PDK1: variants seen among roughly 807,000 people sequenced by gnomAD.
PDK1 encodes the protein [Pyruvate dehydrogenase (acetyl-transferring)] kinase isozyme 1, mitochondrial.
A neutral mutation model predicts 54.2 loss-of-function variants in PDK1; 39 were observed. That is an observed-to-expected ratio of 0.72 (90% CI 0.56 to 0.94). The LOEUF (loss-of-function observed/expected upper bound fraction) is 0.94. Among genes scored for constraint, PDK1 ranks in the 40% least tolerant of loss-of-function variants. The probability of loss-of-function intolerance (pLI) is 0.00; values close to 1 mark genes in which losing one functional copy is unlikely to be tolerated. For missense variants in PDK1, 552 were observed against 566.0 expected, an observed-to-expected ratio of 0.98 and a Z score of 0.25; for synonymous variants, 221 against 207.1, an observed-to-expected ratio of 1.07 and a Z score of -0.58.
rs1690972390 is a variant in PDK1, at chr2:172,597,881, T to G, written c.*1912T>G. The G allele has an allele frequency of 6.6e-6, 1 of 152,234 alleles. No individual in the cohort carries two copies. The highest frequency in any genetic ancestry group is 2.4e-5 in the African/African-American group (1 of 41,464). The allele number at this position is 152,234 out of a possible 1,614,324, so 9.4% of individuals were successfully genotyped here. ...ACACTTCATCCTTGGAAGGATTATA[T>G]AAGATGAACAGTTGTGATAAATGTG... is the stretch of plus-strand genomic sequence containing the variant. On this transcript the variant is annotated 3_prime_UTR_variant, in exon 11 of 11. Transcript: ENST00000282077.
chr2:172,603,309 T>C lies in PDK1; in HGVS notation c.*7340T>C, dbSNP rs147924564. 1.3e-5 allele frequency: 2 copies of C among 152,316 alleles called. No homozygotes were observed. Among genetic ancestry groups the C allele is most frequent in the East Asian group, 3.9e-4 (2 of 5,182 alleles). The allele number at this position is 152,316 out of a possible 1,614,324, so 9.4% of individuals were successfully genotyped here. On this transcript the variant is annotated 3_prime_UTR_variant, in exon 11 of 11. Coordinates refer to ENST00000282077, the MANE Select transcript of PDK1 (RefSeq NM_002610.5). ...AGATAAGAAGGATCTATTCCTGATA[T>C]ACAGGGTACTTGGTGGATGTGTCCA...
intron 8 of PDK1, among the ~76,000 whole-genome samples, chr2:172,579,517 C>A (rs899686565): frequency 6.9e-6 from 1 of 145,624 alleles, no homozygotes; most frequent in Non-Finnish European, 1.5e-5. Context: ...CCCCCTCCCC[C>A]GCTCTTTCTT....
chr2:172,619,829 A>G, the PDK1 span, among the ~76,000 whole-genome samples: 1 of 152,224 alleles, frequency 6.6e-6, no homozygotes, highest in Non-Finnish European at 1.5e-5. Flanking sequence ...TGCAAATTAC[A>G]GATTGGCAAT....
intron 1 of PDK1, among the ~76,000 whole-genome samples, chr2:172,557,568 G>T (rs1425562443): frequency 1.3e-5 from 2 of 151,342 alleles, no homozygotes; most frequent in Non-Finnish European, 2.9e-5. Context: ...GGTGAATTTT[G>T]CTGTTGCTTG....
chr2:172,632,980 C>CAAA, the PDK1 span, among the ~76,000 whole-genome samples: 2,772 of 75,468 alleles, frequency 0.037, 268 homozygotes, highest in East Asian at 0.32. Flanking sequence ...GATTCTGTCT[C>CAAA]AAAAAAAAAA....
Position 172,607,872 on chromosome 2 carries a change from T to C in PDK1, c.*11903T>C, listed in dbSNP as rs191689376. 1 of 152,306 alleles carries C rather than the reference T, an allele frequency of 6.6e-6. No individual in the cohort carries two copies. The highest frequency in any genetic ancestry group is 1.9e-4 in the East Asian group (1 of 5,190). The allele number at this position is 152,306 out of a possible 1,614,324, so 9.4% of individuals were successfully genotyped here. On this transcript the variant is annotated 3_prime_UTR_variant, in exon 11 of 11. Transcript: ENST00000282077. ...GTTCAGAGCAGTACACCATACTCAG[T>C]GTATACTTACACTCCAAGACATTTC...
At position 172,558,829 on chromosome 2, in the gene PDK1, C is replaced by T. The variant is rs758087109; in HGVS notation, c.318C>T (p.Ser106=). 1.1e-5 allele frequency: 18 copies of T among 1,611,658 alleles called. No individual in the cohort carries two copies. Among genetic ancestry groups the T allele is most frequent in the Middle Eastern group, 1.6e-4 (1 of 6,072 alleles). ...CAGATAATCTTCTCAGGACACCATC[C>T]GTTCAATTGGTACAAAGCTGGTAAG... ...LLPDNLLRTP[S]VQLVQSWYIQ... The change falls in exon 2 of 11, where the codon TCC becomes TCT. Residue 106 remains serine (S), a synonymous_variant. Transcript: ENST00000282077.
the PDK1 span, among the ~76,000 whole-genome samples, chr2:172,646,287 A>G: frequency 6.6e-6 from 1 of 152,186 alleles, no homozygotes; most frequent in Non-Finnish European, 1.5e-5. Flanking sequence ...ATTTTTTGGC[A>G]TTGTTTCATC....
chr2:172,660,245 CTCTTTTTTT>C, the PDK1 span, among the ~76,000 whole-genome samples: 17 of 55,630 alleles, frequency 3.1e-4, no homozygotes, highest in South Asian at 5.8e-4. Context: ...CTCTCTCTCT[CTCTTTTTTT>C]TTTTTTTTTT....
chr2:172,664,975 T>G, the PDK1 span, among the ~76,000 whole-genome samples: 1 of 152,186 alleles, frequency 6.6e-6, no homozygotes. Flanking sequence ...CTTTTTGGTT[T>G]AATGGCATCA....
At chr2:172,618,565 A>G in the PDK1 span, among the ~76,000 whole-genome samples, 6 of 152,234 alleles carry the variant, frequency 3.9e-5, no homozygotes, top group Non-Finnish European at 7.3e-5. Context: ...GCAAACCATG[A>G]TTCTCTAAAA....
the PDK1 span, among the ~76,000 whole-genome samples, chr2:172,695,317 C>T: frequency 2.6e-5 from 4 of 152,198 alleles, no homozygotes; most frequent in East Asian, 1.9e-4. Flanking sequence ...GGGAAGAGAG[C>T]GAGACAGAAG....
chr2:172,604,101 CAG>C lies in PDK1; in HGVS notation c.*8135_*8136del, dbSNP rs1374615396. 6.6e-6 allele frequency: 1 copy of C among 152,144 alleles called. No homozygotes were observed. The highest frequency in any genetic ancestry group is 2.4e-5 in the African/African-American group (1 of 41,424). The allele number at this position is 152,144 out of a possible 1,614,324, so 9.4% of individuals were successfully genotyped here. A position where few individuals can be genotyped will look rare whatever the true frequency, so the allele number is the denominator to read the frequency against. On this transcript the variant is annotated 3_prime_UTR_variant, in exon 11 of 11. Transcript: ENST00000282077. ...TATCTTTTTTGGCGGGGGGTGAGGA[CAG>C]AGTCTTGCTCTGAGATTACCCAGGC... is the stretch of plus-strand genomic sequence containing the variant.
intron 9 of PDK1, among the ~76,000 whole-genome samples, chr2:172,587,756 A>T (rs1574520548): frequency 6.6e-6 from 1 of 151,838 alleles, no homozygotes; most frequent in Non-Finnish European, 1.5e-5. Flanking sequence ...TTTTACAGAG[A>T]GCTGATTGGT....
the PDK1 span, among the ~76,000 whole-genome samples, chr2:172,698,418 A>G: frequency 6.6e-6 from 1 of 152,216 alleles, no homozygotes; most frequent in Non-Finnish European, 1.5e-5. Context: ...CACCTTCCTC[A>G]GCAACGTCTG....
intron 3 of PDK1, among the ~76,000 whole-genome samples, chr2:172,563,385 A>G (rs980637890): frequency 1.3e-5 from 2 of 152,232 alleles, no homozygotes; most frequent in Non-Finnish European, 2.9e-5. Flanking sequence ...GAAGCGCATT[A>G]CTAACTAGGA....
At chr2:172,556,046 C>T, upstream of PDK1, 2 of 863,948 alleles carry the variant, frequency 2.3e-6, no homozygotes, top group Non-Finnish European at 1.6e-6. Flanking sequence ...GCGCCGGTGA[C>T]AGCCGATCCC....
At chr2:172,613,774 C>G in the PDK1 span, among the ~76,000 whole-genome samples, 1 of 152,174 alleles carries the variant, frequency 6.6e-6, no homozygotes, top group Non-Finnish European at 1.5e-5. Context: ...TTCCATGGAG[C>G]CAGGGGGAGC....
At chr2:172,691,796 G>A in the PDK1 span, among the ~76,000 whole-genome samples, 2 of 152,168 alleles carry the variant, frequency 1.3e-5, no homozygotes, top group South Asian at 4.1e-4. Flanking sequence ...ATGTACCACA[G>A]TTTATGTATT....
Sources: allele counts gnomAD v4.1 joint callset (sites outside exome capture counted in the v4.1 genomes callset), GRCh38; gene constraint gnomAD v4.1.1; transcripts MANE v1.5; gene names NCBI Gene and HGNC (gene_info 2026-07-23, HGNC 2026-07-21).